DERPC: variants seen among roughly 807,000 people sequenced by gnomAD.
The protein encoded by DERPC is DERPC proline and glycine rich nuclear protein.
A neutral mutation model predicts 7.2 loss-of-function variants in DERPC; 1 was observed. The observed-to-expected ratio is 0.14, with a 90% CI of 0.05 to 0.66. The LOEUF is 0.66. DERPC is among the 30% of genes least tolerant of loss of function. The pLI, the probability that DERPC is intolerant of heterozygous loss-of-function variation, is 0.84. For synonymous variants in DERPC, 185 were observed against 117.6 expected, an observed-to-expected ratio of 1.57 and a Z score of -3.71; for missense variants, 502 against 299.4, an observed-to-expected ratio of 1.68 and a Z score of -4.99.
At chr16:69,125,480 T>C (rs889364991) in intron 1 of DERPC, among the ~76,000 whole-genome samples, 3 of 152,120 alleles carry the variant, frequency 2.0e-5, no homozygotes, top group African/African-American at 7.2e-5. Context: ...TACACAATTC[T>C]GCCTTCCCAA....
At chr16:69,125,630 A>G (rs8057931) in intron 1 of DERPC, among the ~76,000 whole-genome samples, 39,334 of 152,156 alleles carry the variant, frequency 0.26, 5,948 homozygotes, top group African/African-American at 0.41. Context: ...ACCAGCACAG[A>G]TTGTGGGACC....
At chr16:69,124,423 A>AT (rs879708208) in intron 1 of DERPC, among the ~76,000 whole-genome samples, 62 of 150,064 alleles carry the variant, frequency 4.1e-4, no homozygotes, top group South Asian at 2.1e-3. Context: ...TGTTAAACAG[A>AT]TTTTTTTTTT....
chr16:69,128,343 CAA>C (rs1309901599), intron 1 of DERPC, among the ~76,000 whole-genome samples: 1 of 152,138 alleles, frequency 6.6e-6, no homozygotes, highest in Admixed American at 6.5e-5. Context: ...TGTAGCTTTT[CAA>C]AAAGATTTAA....
intron 1 of DERPC, among the ~76,000 whole-genome samples, 169 bp downstream of exon 1, chr16:69,132,315 C>A (rs1962606731): frequency 6.8e-6 from 1 of 146,524 alleles, no homozygotes. Flanking sequence ...TCCCGGCCAC[C>A]CCTCCCCCGC....
At position 69,120,354 on chromosome 16, in the gene DERPC, C is replaced by T; in HGVS notation, c.75G>A (p.Arg25=). 6.7e-7 allele frequency: 1 copy of T among 1,483,918 alleles called. No individual in the cohort carries two copies. The highest frequency in any genetic ancestry group is 9.4e-7 in the Non-Finnish European group (1 of 1,063,116). The allele number at this position is 1,483,918 out of a possible 1,614,324, so 91.9% of individuals were successfully genotyped here. A position where few individuals can be genotyped will look rare whatever the true frequency, so the allele number is the denominator to read the frequency against. ...CCTGTGGTCCCAGGGAACCGTCGAG[C>T]CGTCCTCGAGGTGGCAGCGGAGCAC... ...WTRAPLPPRG[R]LDGSLGPQGG... Residue 25 remains arginine (R), a synonymous_variant, in exon 3 of 3, where the codon CGG becomes CGA. Transcript: ENST00000519520. This position sits in a 1 kb window ranked among gnomAD's most constrained non-coding sequence, Gnocchi z 4.0.
Position 69,120,009 on chromosome 16 carries a change from CCCTGGG to C in DERPC, c.414_419del (p.Gly140_Pro141del), listed in dbSNP as rs766451066. On this transcript the variant is annotated inframe_deletion, in exon 3 of 3. Coordinates refer to ENST00000519520, the MANE Select transcript of DERPC (RefSeq NM_001002847.4). The surrounding 1 kb of genome is among the most constrained non-coding windows in gnomAD (Gnocchi z 4.0). ...CCCCTAACCTGGGGTTAGACAGAGG[CCCTGGG>C]CCTGGCAGAGCCCCTGTCCTAGGGT... is the stretch of plus-strand genomic sequence containing the variant. The C allele has an allele frequency of 1.4e-6, 1 of 691,968 alleles. No homozygotes were observed. The highest frequency in any genetic ancestry group is 2.6e-6 in the Non-Finnish European group (1 of 378,612). 42.9% of individuals were successfully genotyped at this position (691,968 alleles called of 1,614,324 possible).
At chr16:69,129,819 T>C (rs944521915) in intron 1 of DERPC, among the ~76,000 whole-genome samples, 1 of 152,220 alleles carries the variant, frequency 6.6e-6, no homozygotes, top group Non-Finnish European at 1.5e-5. Context: ...CAAAGTAACC[T>C]ATGGAAAGAC....
chr16:69,120,929 A>G lies in DERPC; in HGVS notation c.-221-280T>C, dbSNP rs1337482332. 2 of 854,772 alleles carry G rather than the reference A, an allele frequency of 2.3e-6. No homozygotes were observed. Among genetic ancestry groups the G allele is most frequent in the Non-Finnish European group, 4.1e-6 (2 of 487,758 alleles). The allele number at this position is 854,772 out of a possible 1,614,324, so 52.9% of individuals were successfully genotyped here. Reference sequence around the variant, plus strand: ...GGTAGGGGGAGAACAAGCAGAGAGCATCGCAGATTAGCTAGGCCTTGAATA... The same window carrying G: ...GGTAGGGGGAGAACAAGCAGAGAGCGTCGCAGATTAGCTAGGCCTTGAATA... On this transcript the variant is annotated intron_variant, in intron 2 of 2. Transcript: ENST00000519520. This position sits in a 1 kb window ranked among gnomAD's most constrained non-coding sequence, Gnocchi z 4.0.
rs143470071 is a variant in DERPC, at chr16:69,130,813, T to C, written c.-280+1671A>G. On this transcript the variant is annotated intron_variant, in intron 1 of 2. Transcript: ENST00000519520. The stretch of plus-strand genomic sequence containing the variant: ...TAATGTTTATAACGGACTAAAGCAT[T>C]CTACGAAAGCAGCAGGTCATCAGAA... 2.0e-5 allele frequency among the ~76,000 whole-genome samples: 3 copies of C among 152,346 alleles called. No individual in the cohort carries two copies. The East Asian group carries it at 5.8e-4, about 29-fold the overall frequency.
chr16:69,120,039 G>A lies in DERPC; in HGVS notation c.390C>T (p.Asn130=), dbSNP rs1465497789. 4.3e-6 allele frequency: 3 copies of A among 690,528 alleles called. No individual in the cohort carries two copies. Among genetic ancestry groups the A allele is most frequent in the Admixed American group, 2.1e-5 (1 of 46,966 alleles). 42.8% of individuals were successfully genotyped at this position (690,528 alleles called of 1,614,324 possible). A position where few individuals can be genotyped will look rare whatever the true frequency, so the allele number is the denominator to read the frequency against. Residue 130 remains asparagine, a synonymous_variant, in exon 3 of 3, where the codon AAC becomes AAT. Coordinates refer to ENST00000519520, the MANE Select transcript of DERPC (RefSeq NM_001002847.4). The surrounding 1 kb of genome is among the most constrained non-coding windows in gnomAD (Gnocchi z 4.0). ...GPGPGPGPTL[N]PRTGALPGPG... ...GGCCTGGCAGAGCCCCTGTCCTAGG[G>A]TTTAGGGTGGGGCCTGGGCCTGGGC...
intron 1 of DERPC, among the ~76,000 whole-genome samples, chr16:69,128,946 C>A (rs552521977): frequency 6.6e-6 from 1 of 152,078 alleles, no homozygotes; most frequent in Non-Finnish European, 1.5e-5. Flanking sequence ...CACCTGTAAT[C>A]CCAGCTACTC....
At chr16:69,126,578 T>C (rs1308268962) in intron 1 of DERPC, among the ~76,000 whole-genome samples, 1 of 152,222 alleles carries the variant, frequency 6.6e-6, no homozygotes, top group Non-Finnish European at 1.5e-5. Context: ...TAAAAACTTG[T>C]CTTATCCTAG....
intron 1 of DERPC, among the ~76,000 whole-genome samples, chr16:69,130,528 C>A (rs1000769290): frequency 6.6e-6 from 1 of 152,122 alleles, no homozygotes; most frequent in African/African-American, 2.4e-5. Flanking sequence ...GTCATACAGA[C>A]CTGGATTCTG....
In DERPC at chr16:69,118,050, T is replaced by TA. The variant is rs1567584585; in HGVS notation, c.*803dup. 1 of 441,774 alleles carries TA rather than the reference T, an allele frequency of 2.3e-6. No individual in the cohort carries two copies. The highest frequency in any genetic ancestry group is 2.0e-5 in the African/African-American group (1 of 50,864). 27.4% of individuals were successfully genotyped at this position (441,774 alleles called of 1,614,324 possible). On this transcript the variant is annotated 3_prime_UTR_variant, in exon 3 of 3. Coordinates refer to ENST00000519520, the MANE Select transcript of DERPC (RefSeq NM_001002847.4). Reference sequence around the variant, plus strand: ...TTATTAAAGAAACAGTAAGAAAAGATACAATGCAGGAAAACCACCAACCAT... The same window carrying TA: ...TTATTAAAGAAACAGTAAGAAAAGATAACAATGCAGGAAAACCACCAACCAT...
intron 1 of DERPC, among the ~76,000 whole-genome samples, chr16:69,124,559 GA>G (rs1961922872): frequency 6.6e-6 from 1 of 151,962 alleles, no homozygotes; most frequent in Admixed American, 6.6e-5. Flanking sequence ...GAGTAGCTGG[GA>G]TTACAGGCGC....
At position 69,119,536 on chromosome 16, in the gene DERPC, T is replaced by G; in HGVS notation, c.893A>C (p.Asn298Thr). 4 of 702,836 alleles carry G rather than the reference T, an allele frequency of 5.7e-6. No homozygotes were observed. The highest frequency in any genetic ancestry group is 1.0e-5 in the Non-Finnish European group (4 of 384,930). The allele number at this position is 702,836 out of a possible 1,614,324, so 43.5% of individuals were successfully genotyped here. ...NSASFSQASGNMGTSPSSMAR... is the reference protein window; with the variant it reads ...NSASFSQASGTMGTSPSSMAR... ...CATGGAGGATGGGCTTGTGCCCATGTTTCCAGAAGCCTGTGAGAAAGAAGC... is the reference window on the plus strand; with the variant it reads ...CATGGAGGATGGGCTTGTGCCCATGGTTCCAGAAGCCTGTGAGAAAGAAGC... The change falls in exon 3 of 3, where the codon AAC (asparagine) becomes ACC (threonine). Residue 298 changes from asparagine to threonine, a missense_variant. By Grantham distance (65) the Asn-to-Thr change is moderately conservative (BLOSUM62 0). Coordinates refer to ENST00000519520, the MANE Select transcript of DERPC (RefSeq NM_001002847.4).
At chr16:69,132,145 C>G (rs1172540023) in intron 1 of DERPC, 1 of 155,376 alleles carries the variant, frequency 6.4e-6, no homozygotes, top group African/African-American at 2.4e-5. Context: ...GCTCGGCCAC[C>G]CTTTCCGCCC....
At position 69,120,252 on chromosome 16, in the gene DERPC, A is replaced by C; in HGVS notation, c.177T>G (p.Gly59=). Residue 59 remains glycine (G), a synonymous_variant, in exon 3 of 3, where the codon GGT becomes GGG. Transcript: ENST00000519520. This position sits in a 1 kb window ranked among gnomAD's most constrained non-coding sequence, Gnocchi z 4.0. ...TCCTTGGAAATGGGGTCAGATTTCCACCAAGAGAACCGGCCGCCATAAGGA... is the reference window on the plus strand; with the variant it reads ...TCCTTGGAAATGGGGTCAGATTTCCCCCAAGAGAACCGGCCGCCATAAGGA... ...DPFLMAAGSL[G]GNLTPFPRNP... 1 of 718,512 alleles carries C rather than the reference A, an allele frequency of 1.4e-6. No individual in the cohort carries two copies. Among genetic ancestry groups the C allele is most frequent in the Non-Finnish European group, 2.5e-6 (1 of 396,890 alleles). The allele number at this position is 718,512 out of a possible 1,614,324, so 44.5% of individuals were successfully genotyped here. A position where few individuals can be genotyped will look rare whatever the true frequency, so the allele number is the denominator to read the frequency against.
intron 1 of DERPC, among the ~76,000 whole-genome samples, chr16:69,123,436 CACT>C (rs1324976664): frequency 1.3e-5 from 2 of 151,872 alleles, no homozygotes; most frequent in Non-Finnish European, 2.9e-5. Flanking sequence ...GGCGGTGGGT[CACT>C]TGATGTCAGG....
Sources: gnomAD v4.1 joint callset for allele counts (sites outside exome capture counted in the v4.1 genomes callset) on GRCh38, gnomAD v4.1.1 for gene constraint, Gnocchi (gnomAD v3.1) non-coding constraint, MANE v1.5 for transcripts, NCBI Gene and HGNC (gene_info 2026-07-23, HGNC 2026-07-21) for gene names.